STXBP5L: variants seen among roughly 807,000 people sequenced by gnomAD.
STXBP5L encodes the protein syntaxin-binding protein 5-like.
In STXBP5L, 65 loss-of-function variants were observed where a neutral mutation model predicts 144.5. The observed-to-expected ratio is 0.45, with a 90% CI of 0.37 to 0.55. The LOEUF (loss-of-function observed/expected upper bound fraction) is 0.55. Ranked by LOEUF, STXBP5L falls within the 20% of genes least tolerant of loss-of-function variation. The pLI is 0.00. For synonymous variants in STXBP5L, 505 were observed against 469.6 expected, an observed-to-expected ratio of 1.08 and a Z score of -0.97; for missense variants, 1,298 against 1,405.5, an observed-to-expected ratio of 0.92 and a Z score of 1.22.
intron 23 of STXBP5L, among the ~76,000 whole-genome samples, chr3:121,408,079 T>A (rs2047036054): frequency 6.6e-6 from 1 of 151,996 alleles, no homozygotes; most frequent in South Asian, 2.1e-4. Context: ...ATTATTTGCA[T>A]CCTCCATTTT....
chr3:121,331,116 A>C (rs762173290), intron 20 of STXBP5L, among the ~76,000 whole-genome samples: 5 of 152,142 alleles, frequency 3.3e-5, no homozygotes, highest in African/African-American at 7.2e-5. Flanking sequence ...GGAGTGCACA[A>C]CATTAAGGAG....
At chr3:121,036,772 A>ATTTTT (rs3863971) in intron 3 of STXBP5L, among the ~76,000 whole-genome samples, 87 of 122,102 alleles carry the variant, frequency 7.1e-4, no homozygotes, top group Non-Finnish European at 8.4e-4. Flanking sequence ...ACATTGATTG[A>ATTTTT]TTTTTTTTTT....
At chr3:120,984,409 G>A (rs1480024840) in intron 3 of STXBP5L, among the ~76,000 whole-genome samples, 1 of 152,032 alleles carries the variant, frequency 6.6e-6, no homozygotes, top group Non-Finnish European at 1.5e-5. Context: ...GGGAAGTGAT[G>A]CCAGGGCATC....
At chr3:121,025,208 C>G (rs1476729819) in intron 3 of STXBP5L, among the ~76,000 whole-genome samples, 1 of 151,938 alleles carries the variant, frequency 6.6e-6, no homozygotes, top group East Asian at 1.9e-4. Context: ...TTAAGCCTCC[C>G]CTATTTTTGA....
intron 23 of STXBP5L, among the ~76,000 whole-genome samples, chr3:121,411,902 G>T (rs2047122320): frequency 6.6e-6 from 1 of 152,180 alleles, no homozygotes; most frequent in African/African-American, 2.4e-5. Context: ...TAGCTGTGGT[G>T]TTTCTGACAT....
intron 20 of STXBP5L, among the ~76,000 whole-genome samples, chr3:121,340,343 A>G (rs2108580097): frequency 6.6e-6 from 1 of 152,008 alleles, no homozygotes; most frequent in African/African-American, 2.4e-5. Context: ...ACTTTTTTTA[A>G]ATTATACTTT....
intron 19 of STXBP5L, among the ~76,000 whole-genome samples, chr3:121,315,052 T>A (rs1428927969): frequency 6.6e-6 from 1 of 152,136 alleles, no homozygotes; most frequent in Non-Finnish European, 1.5e-5. Context: ...GTAAACTAGT[T>A]CAACCATTGT....
chr3:121,102,922 A>C (rs1576964089), intron 5 of STXBP5L, among the ~76,000 whole-genome samples: 1 of 152,298 alleles, frequency 6.6e-6, no homozygotes, highest in Admixed American at 6.5e-5. Context: ...AAAAGAAGAC[A>C]TACAAGTGTT....
chr3:121,254,972 T>C lies in STXBP5L; in HGVS notation c.1519T>C (p.Cys507Arg), dbSNP rs1457281783. 1 of 1,613,572 alleles carries C rather than the reference T, an allele frequency of 6.2e-7. No homozygotes were observed. The highest frequency in any genetic ancestry group is 1.7e-5 in the Admixed American group (1 of 59,980). Residue 507 changes from cysteine to arginine, a missense_variant, in exon 16 of 27, where the codon TGT (cysteine) becomes CGT (arginine). By Grantham distance (180) the Cys-to-Arg change is radical. Coordinates refer to ENST00000471454, the MANE Select transcript of STXBP5L (RefSeq NM_001308330.2). ...GAAGGTAGGAGAAGGAAAACAAACATGTGAAATTGTAGAGGAAGACCCATT... is the reference window on the plus strand; with the variant it reads ...GAAGGTAGGAGAAGGAAAACAAACACGTGAAATTGTAGAGGAAGACCCATT... ...KQKVGEGKQT[C>R]EIVEEDPFAI...
intron 9 of STXBP5L, among the ~76,000 whole-genome samples, chr3:121,188,900 A>G (rs983217483): frequency 3.9e-5 from 6 of 152,240 alleles, no homozygotes; most frequent in Admixed American, 3.9e-4. Flanking sequence ...AACTGGCACA[A>G]GACAGGGATG....
intron 18 of STXBP5L, among the ~76,000 whole-genome samples, chr3:121,270,632 T>C (rs2050707920): frequency 6.6e-6 from 1 of 152,150 alleles, no homozygotes; most frequent in East Asian, 1.9e-4. Flanking sequence ...TTTGTATTTT[T>C]AGTAGAGATG....
intron 2 of STXBP5L, among the ~76,000 whole-genome samples, chr3:120,922,585 A>G (rs78058474): frequency 0.12 from 18,235 of 152,024 alleles, 1,149 homozygotes; most frequent in Non-Finnish European, 0.14. Context: ...GTTCAGTATG[A>G]TGGTACCTGT....
At chr3:121,228,560 C>G (rs549945915) in intron 11 of STXBP5L, among the ~76,000 whole-genome samples, 1 of 152,294 alleles carries the variant, frequency 6.6e-6, no homozygotes, top group South Asian at 2.1e-4. Flanking sequence ...ATCAAAACCT[C>G]TTGCAATCTT....
chr3:121,229,393 C>T (rs978378103), intron 11 of STXBP5L, among the ~76,000 whole-genome samples: 3 of 152,030 alleles, frequency 2.0e-5, no homozygotes, highest in African/African-American at 7.2e-5. Context: ...TTATTAAACA[C>T]ACCTTACTTT....
chr3:121,076,347 C>T (rs1211570096), intron 5 of STXBP5L, among the ~76,000 whole-genome samples: 1 of 152,140 alleles, frequency 6.6e-6, no homozygotes, highest in African/African-American at 2.4e-5. Flanking sequence ...TAAATTGGTG[C>T]ATAGGGGGGT....
intron 14 of STXBP5L, among the ~76,000 whole-genome samples, chr3:121,247,502 T>C (rs1277438302): frequency 6.6e-6 from 1 of 152,170 alleles, no homozygotes. Context: ...CTGCAGTGTC[T>C]ATTGTTTCTG....
rs575116786 is a variant in STXBP5L, at chr3:121,419,685, A to T, written c.*588A>T. 1.3e-5 allele frequency: 2 copies of T among 152,362 alleles called. No individual in the cohort carries two copies. The highest frequency in any genetic ancestry group is 3.9e-4 in the East Asian group (2 of 5,190). 9.4% of individuals were successfully genotyped at this position (152,362 alleles called of 1,614,324 possible). ...TCATCTGTAACTTTCATTGTACTAG[A>T]ACCTTATTGAATTCTTATGGCAAGA... On this transcript the variant is annotated 3_prime_UTR_variant, in exon 27 of 27. Transcript: ENST00000471454.
intron 11 of STXBP5L, among the ~76,000 whole-genome samples, chr3:121,231,740 A>G (rs908532468): frequency 2.6e-5 from 4 of 152,186 alleles, no homozygotes; most frequent in African/African-American, 9.7e-5. Context: ...TCCTAGGAGT[A>G]CCTAAAAGGG....
chr3:121,372,932 T>A (rs1225983314), intron 20 of STXBP5L, among the ~76,000 whole-genome samples: 9 of 152,220 alleles, frequency 5.9e-5, no homozygotes, highest in African/African-American at 1.4e-4. Context: ...AAATTAAAGC[T>A]ATTTTTAAAA....
Sources: gnomAD v4.1 joint callset for allele counts (sites outside exome capture counted in the v4.1 genomes callset) on GRCh38, gnomAD v4.1.1 for gene constraint, MANE v1.5 for transcripts, NCBI Gene and HGNC (gene_info 2026-07-23, HGNC 2026-07-21) for gene names.